The following KIAA0825 variants were observed in gnomAD, a reference collection of about 807,000 sequenced individuals.
The protein encoded by KIAA0825 is KIAA0825.
A neutral mutation model predicts 147.6 loss-of-function variants in KIAA0825; 119 were observed. The observed-to-expected ratio is 0.81, with a 90% CI of 0.69 to 0.94. The LOEUF (loss-of-function observed/expected upper bound fraction) is 0.94, where lower values mean the gene tolerates loss of function less well. Ranked by LOEUF, KIAA0825 falls within the 40% of genes least tolerant of loss-of-function variation. KIAA0825 has a pLI of 0.00. For synonymous variants in KIAA0825, 470 were observed against 518.1 expected (o/e 0.91, Z 1.26); for missense variants, 1,381 against 1,472.7 (o/e 0.94, Z 1.02).
intron 20 of KIAA0825, among the ~76,000 whole-genome samples, chr5:94,375,856 A>G (rs1189299234): frequency 6.6e-6 from 1 of 152,226 alleles, no homozygotes; most frequent in African/African-American, 2.4e-5. Context: ...TAACCCTAGG[A>G]TAAGGGATAT....
intron 20 of KIAA0825, among the ~76,000 whole-genome samples, chr5:94,362,492 G>T (rs1745197462): frequency 6.6e-6 from 1 of 152,158 alleles, no homozygotes; most frequent in African/African-American, 2.4e-5. Context: ...TGAACCCTTT[G>T]TCTAGACTAC....
intron 20 of KIAA0825, among the ~76,000 whole-genome samples, chr5:94,274,587 G>A (rs952998293): frequency 6.6e-6 from 1 of 152,110 alleles, no homozygotes; most frequent in Non-Finnish European, 1.5e-5. Context: ...GGCTGATCAG[G>A]TATGGTTCTT....
intron 20 of KIAA0825, among the ~76,000 whole-genome samples, chr5:94,253,956 A>G (rs1776108019): frequency 2.6e-5 from 4 of 152,118 alleles, no homozygotes. Context: ...ACAGACTAGA[A>G]CAATTTCTAA....
chr5:94,465,084 C>T (rs1481770195), intron 10 of KIAA0825, 25 bp from the exon 11 acceptor site: 12 of 1,542,376 alleles, frequency 7.8e-6, no homozygotes, highest in Non-Finnish European at 9.6e-6. Context: ...ACACGTTAAA[C>T]CATAGAGTTA....
intron 5 of KIAA0825, among the ~76,000 whole-genome samples, chr5:94,493,019 C>T (rs1376005957): frequency 1.3e-5 from 2 of 152,208 alleles, no homozygotes; most frequent in Non-Finnish European, 2.9e-5. Flanking sequence ...ATAAGCTATG[C>T]ATCTATGTTC....
At chr5:94,360,932 G>A (rs1744975938) in intron 20 of KIAA0825, among the ~76,000 whole-genome samples, 1 of 152,134 alleles carries the variant, frequency 6.6e-6, no homozygotes, top group African/African-American at 2.4e-5. Flanking sequence ...CTCTCTTGGG[G>A]TCTGGATCGG....
At chr5:94,262,341 C>T (rs556176127) in intron 20 of KIAA0825, among the ~76,000 whole-genome samples, 7 of 152,016 alleles carry the variant, frequency 4.6e-5, no homozygotes, top group African/African-American at 1.4e-4. Context: ...TTAGCATAGC[C>T]TCTTTGAAAG....
At chr5:94,574,488 G>C (rs1195297544) in intron 2 of KIAA0825, among the ~76,000 whole-genome samples, 1 of 139,616 alleles carries the variant, frequency 7.2e-6, no homozygotes, top group Non-Finnish European at 1.5e-5. Context: ...AGGTTGCGGT[G>C]AGCCAAGATC....
At chr5:94,438,099 C>T (rs148798009) in intron 14 of KIAA0825, among the ~76,000 whole-genome samples, 59 of 152,254 alleles carry the variant, frequency 3.9e-4, no homozygotes, top group South Asian at 2.3e-3. Flanking sequence ...CCCAATACTA[C>T]GCTATTCCGC....
At chr5:94,618,125 T>G (rs1791077369) in intron 1 of KIAA0825, 2 of 152,274 alleles carry the variant, frequency 1.3e-5, no homozygotes, top group South Asian at 4.1e-4. Context: ...ACCCCAGAAC[T>G]ACGGAAACAG....
intron 20 of KIAA0825, among the ~76,000 whole-genome samples, chr5:94,309,128 G>T (rs1778940503): frequency 6.6e-6 from 1 of 151,522 alleles, no homozygotes; most frequent in South Asian, 2.1e-4. Context: ...GAGTTAAGTT[G>T]GTGAAACATT....
chr5:94,312,880 T>C (rs1253148447), intron 20 of KIAA0825, among the ~76,000 whole-genome samples: 16 of 151,672 alleles, frequency 1.1e-4, no homozygotes, highest in East Asian at 1.9e-4. Context: ...CAAAACATTT[T>C]TGATAACTCT....
intron 5 of KIAA0825, among the ~76,000 whole-genome samples, chr5:94,488,424 C>G (rs545107295): frequency 1.8e-4 from 28 of 152,200 alleles, no homozygotes; most frequent in African/African-American, 6.7e-4. Context: ...TTAGGAAATA[C>G]ACAGTTCTCC....
intron 13 of KIAA0825, among the ~76,000 whole-genome samples, chr5:94,449,379 G>T (rs1337604889): frequency 6.6e-6 from 1 of 152,126 alleles, no homozygotes; most frequent in East Asian, 1.9e-4. Context: ...ATGGACTAAG[G>T]TTGTTATAAT....
At chr5:94,437,884 C>T (rs956429507) in intron 14 of KIAA0825, among the ~76,000 whole-genome samples, 2 of 152,140 alleles carry the variant, frequency 1.3e-5, no homozygotes, top group Non-Finnish European at 2.9e-5. Context: ...TTAAGTGAAG[C>T]ACCATGTTTT....
intron 2 of KIAA0825, among the ~76,000 whole-genome samples, chr5:94,572,141 T>C (rs894601069): frequency 2.6e-4 from 39 of 150,744 alleles, no homozygotes; most frequent in Non-Finnish European, 4.4e-5. Flanking sequence ...AAGTTTGGAC[T>C]ATATTCACTC....
chr5:94,223,936 T>C (rs906977087), intron 20 of KIAA0825, among the ~76,000 whole-genome samples: 19 of 152,218 alleles, frequency 1.2e-4, no homozygotes, highest in African/African-American at 4.6e-4. Flanking sequence ...ATTCTTTTAC[T>C]CTATCCTCTG....
intron 20 of KIAA0825, among the ~76,000 whole-genome samples, chr5:94,182,345 C>T (rs960147333): frequency 3.7e-5 from 5 of 134,918 alleles, no homozygotes; most frequent in East Asian, 5.0e-4. Context: ...CTGAAGCCTC[C>T]GCCTCCTGGG....
At chr5:94,196,856 C>A (rs945102050) in intron 20 of KIAA0825, among the ~76,000 whole-genome samples, 2 of 152,052 alleles carry the variant, frequency 1.3e-5, no homozygotes, top group Non-Finnish European at 2.9e-5. Context: ...ATTTTCTTTA[C>A]TCAATCCATT....
Sources: gnomAD v4.1 joint callset for allele counts (sites outside exome capture counted in the v4.1 genomes callset) on GRCh38, gnomAD v4.1.1 for gene constraint, MANE v1.5 for transcripts, NCBI Gene and HGNC (gene_info 2026-07-23, HGNC 2026-07-21) for gene names.